The following TMEM74 variants were observed in gnomAD, a reference collection of about 807,000 sequenced individuals.
The protein encoded by TMEM74 is transmembrane protein 74.
In TMEM74, 13 loss-of-function variants were observed where a neutral mutation model predicts 18.1. That is an observed-to-expected ratio of 0.72 (90% confidence interval 0.47 to 1.14). The LOEUF is 1.14. TMEM74 is among the 50% of genes most tolerant of loss of function. TMEM74 has a pLI of 0.00. For synonymous variants in TMEM74, 159 were observed against 146.6 expected (o/e 1.08, Z -0.61); for missense variants, 372 against 375.9 (o/e 0.99, Z 0.09).
chr8:108,681,071 C>T (rs7460496), intron 1 of TMEM74, among the ~76,000 whole-genome samples: 12,051 of 152,180 alleles, frequency 0.079, 651 homozygotes, highest in Non-Finnish European at 0.11. Context: ...GAATCAATAT[C>T]GTGAAAATGG....
intron 1 of TMEM74, among the ~76,000 whole-genome samples, chr8:108,730,761 T>A (rs1051426925): frequency 2.1e-4 from 32 of 151,632 alleles, no homozygotes; most frequent in Non-Finnish European, 3.8e-4. Context: ...GCCTCCCGAG[T>A]AGCTGGGACT....
chr8:108,627,364 G>A lies in TMEM74; in HGVS notation n.265-18538C>T, dbSNP rs535665147. 2.8e-4 allele frequency among the ~76,000 whole-genome samples: 42 copies of A among 152,038 alleles called. No homozygotes were observed. The South Asian group carries it at 8.3e-3, about 30-fold the overall frequency. Reference sequence around the variant, plus strand: ...GGGAGATAGTATGACATAGAAACATGGGATTTAGAACAATACAGAAGGAAT... The same window carrying A: ...GGGAGATAGTATGACATAGAAACATAGGATTTAGAACAATACAGAAGGAAT... On this transcript the variant is annotated intron_variant and non_coding_transcript_variant, in intron 2 of 3. Transcript: ENST00000518838.
chr8:108,625,179 A>G (rs944568720), intron 2 of TMEM74, among the ~76,000 whole-genome samples: 2 of 151,994 alleles, frequency 1.3e-5, no homozygotes, highest in Non-Finnish European at 2.9e-5. Context: ...CTTATCTTGC[A>G]TATTTGTTAA....
intron 1 of TMEM74, among the ~76,000 whole-genome samples, chr8:108,660,327 T>C (rs1812887510): frequency 6.6e-6 from 1 of 152,232 alleles, no homozygotes; most frequent in African/African-American, 2.4e-5. Flanking sequence ...TTAAACTTGA[T>C]GGTTAAGATT....
intron 2 of TMEM74, among the ~76,000 whole-genome samples, chr8:108,620,664 G>A (rs1014176848): frequency 1.1e-4 from 17 of 151,982 alleles, no homozygotes; most frequent in African/African-American, 2.4e-4. Flanking sequence ...CAGAAGTCTC[G>A]GAAAGATATC....
At chr8:108,646,043 T>C (rs963464795) in intron 2 of TMEM74, among the ~76,000 whole-genome samples, 8 of 151,916 alleles carry the variant, frequency 5.3e-5, no homozygotes, top group Admixed American at 2.0e-4. Context: ...AGAGAAATTA[T>C]AAAACCAGTA....
At chr8:108,740,955 T>G (rs1813794403) in intron 1 of TMEM74, among the ~76,000 whole-genome samples, 3 of 152,284 alleles carry the variant, frequency 2.0e-5, no homozygotes, top group South Asian at 4.1e-4. Flanking sequence ...AAAAGAAGAA[T>G]GAATACATAA....
At chr8:108,772,304 T>G (rs1383107217) in intron 1 of TMEM74, among the ~76,000 whole-genome samples, 5 of 152,168 alleles carry the variant, frequency 3.3e-5, no homozygotes, top group Non-Finnish European at 7.4e-5. Flanking sequence ...AGAGGCTGTG[T>G]TGGCATTGGG....
At chr8:108,746,272 T>C (rs978948446) in intron 1 of TMEM74, among the ~76,000 whole-genome samples, 1 of 152,164 alleles carries the variant, frequency 6.6e-6, no homozygotes, top group Non-Finnish European at 1.5e-5. Context: ...TAAATGGTTG[T>C]AGAATCACTC....
At chr8:108,686,303 A>G (rs2935803) in intron 1 of TMEM74, among the ~76,000 whole-genome samples, 27,975 of 151,886 alleles carry the variant, frequency 0.18, 2,779 homozygotes, top group East Asian at 0.29. Context: ...GGTTCACGCC[A>G]TTCTCCTGCC....
chr8:108,609,857 G>T (rs2928834), intron 2 of TMEM74, among the ~76,000 whole-genome samples: 1 of 152,030 alleles, frequency 6.6e-6, no homozygotes, highest in Non-Finnish European at 1.5e-5. Context: ...TTAAGCATGT[G>T]TGTCCTTGTA....
chr8:108,636,877 C>T (rs1812612126), intron 2 of TMEM74, among the ~76,000 whole-genome samples: 1 of 150,756 alleles, frequency 6.6e-6, no homozygotes. Flanking sequence ...CACCCCTCCT[C>T]AAAGAATGAA....
intron 1 of TMEM74, among the ~76,000 whole-genome samples, chr8:108,658,721 C>A (rs538440964): frequency 6.6e-6 from 1 of 152,312 alleles, no homozygotes; most frequent in South Asian, 2.1e-4. Flanking sequence ...ATGTTGTAAT[C>A]TCTGGCAAAT....
At chr8:108,648,834 C>A (rs565599330) in intron 2 of TMEM74, among the ~76,000 whole-genome samples, 1 of 152,212 alleles carries the variant, frequency 6.6e-6, no homozygotes, top group African/African-American at 2.4e-5. Context: ...TTATTTAGAA[C>A]CCTCAGGAAA....
intron 1 of TMEM74, among the ~76,000 whole-genome samples, chr8:108,670,035 G>GA (rs1192889404): frequency 0.025 from 1,526 of 60,352 alleles, 6 homozygotes; most frequent in Non-Finnish European, 0.038. Flanking sequence ...AAGATTCTGT[G>GA]AAAAAAAAAA....
intron 1 of TMEM74, among the ~76,000 whole-genome samples, chr8:108,771,701 A>C (rs1279885391): frequency 1.3e-5 from 2 of 152,198 alleles, no homozygotes; most frequent in African/African-American, 4.8e-5. Context: ...CTACACCATG[A>C]GCAATCTCCC....
At chr8:108,733,817 C>T (rs1370723790) in intron 1 of TMEM74, among the ~76,000 whole-genome samples, 1 of 152,164 alleles carries the variant, frequency 6.6e-6, no homozygotes, top group Non-Finnish European at 1.5e-5. Context: ...GTGTGTGGCA[C>T]ATTTTGTGTT....
intron 1 of TMEM74, among the ~76,000 whole-genome samples, chr8:108,700,130 GGTGTGTGT>G (rs3049748): frequency 2.8e-4 from 40 of 143,164 alleles, no homozygotes; most frequent in South Asian, 7.0e-4. Context: ...GGCCATAAAT[GGTGTGTGT>G]GTGTGTGTGT....
At chr8:108,712,188 G>A (rs73307854) in intron 1 of TMEM74, among the ~76,000 whole-genome samples, 3,099 of 152,182 alleles carry the variant, frequency 0.02, 116 homozygotes, top group African/African-American at 0.071. Context: ...GAACCAGGGC[G>A]TAATAAGACA....
Sources: gnomAD v4.1 joint callset for allele counts (sites outside exome capture counted in the v4.1 genomes callset) on GRCh38, gnomAD v4.1.1 for gene constraint, MANE v1.5 for transcripts, NCBI Gene and HGNC (gene_info 2026-07-23, HGNC 2026-07-21) for gene names.